The following NLGN1 variants were observed in gnomAD, a reference collection of about 807,000 sequenced individuals.
The protein encoded by NLGN1 is neuroligin 1.
NLGN1 carries 12 observed loss-of-function variants against 65.5 expected under a neutral mutation model. That is an observed-to-expected ratio of 0.18 (90% CI 0.12 to 0.30). The LOEUF is 0.30. NLGN1 is among the 10% of genes least tolerant of loss of function. The pLI, the probability that NLGN1 is intolerant of heterozygous loss-of-function variation, is 1.00. For synonymous variants in NLGN1, 350 were observed against 359.5 expected, an observed-to-expected ratio of 0.97 and a Z score of 0.30; for missense variants, 750 against 1,007.1, an observed-to-expected ratio of 0.74 and a Z score of 3.46.
intron 3 of NLGN1, among the ~76,000 whole-genome samples, chr3:173,653,812 C>A (rs891723100): frequency 1.3e-5 from 2 of 152,080 alleles, no homozygotes; most frequent in Non-Finnish European, 2.9e-5. Context: ...CTTTCTAGGT[C>A]TAGGAACCTC....
At chr3:174,108,447 T>C (rs1471477290) in intron 4 of NLGN1, among the ~76,000 whole-genome samples, 2 of 151,984 alleles carry the variant, frequency 1.3e-5, no homozygotes, top group African/African-American at 4.8e-5. Context: ...CTGGACTATA[T>C]GAGGCATAAA....
chr3:174,284,032 T>A (rs1049473195), exon 7 of NLGN1: 4 of 151,492 alleles, frequency 2.6e-5, no homozygotes, highest in Non-Finnish European at 5.9e-5. Context: ...TACCTACCAA[T>A]CTATTGCTCT....
chr3:173,885,902 A>C (rs1327487542), intron 4 of NLGN1, among the ~76,000 whole-genome samples: 1 of 152,170 alleles, frequency 6.6e-6, no homozygotes, highest in Non-Finnish European at 1.5e-5. Context: ...ACATGAAGTG[A>C]TCATTATGAA....
At chr3:173,585,871 C>T (rs868016282) in intron 2 of NLGN1, among the ~76,000 whole-genome samples, 1 of 152,048 alleles carries the variant, frequency 6.6e-6, no homozygotes, top group Admixed American at 6.6e-5. Context: ...TTTTGTAGCT[C>T]CCAAGAAAAA....
At chr3:173,986,504 G>A (rs1345066476) in intron 4 of NLGN1, among the ~76,000 whole-genome samples, 1 of 151,742 alleles carries the variant, frequency 6.6e-6, no homozygotes, top group African/African-American at 2.4e-5. Flanking sequence ...TAAAAAGGAT[G>A]GGGGGAAATT....
At chr3:174,091,190 G>A (rs555911098) in intron 4 of NLGN1, among the ~76,000 whole-genome samples, 37 of 152,292 alleles carry the variant, frequency 2.4e-4, no homozygotes, top group African/African-American at 4.6e-4. Context: ...TCAGTCTGAC[G>A]AATGATTCAA....
At chr3:173,955,731 T>G (rs781656086) in intron 4 of NLGN1, among the ~76,000 whole-genome samples, 13 of 152,196 alleles carry the variant, frequency 8.5e-5, no homozygotes, top group Non-Finnish European at 1.8e-4. Context: ...CTAATATTAC[T>G]AACATATGAA....
At chr3:174,226,760 A>T (rs980231052) in intron 4 of NLGN1, among the ~76,000 whole-genome samples, 4 of 152,124 alleles carry the variant, frequency 2.6e-5, no homozygotes, top group African/African-American at 7.2e-5. Flanking sequence ...AATTTTTTTT[A>T]AAAATGACTT....
chr3:173,817,611 T>C (rs1416537377), intron 4 of NLGN1, among the ~76,000 whole-genome samples: 2 of 152,172 alleles, frequency 1.3e-5, no homozygotes, highest in African/African-American at 2.4e-5. Flanking sequence ...CAAACCAGCA[T>C]TGTGAAGAGT....
intron 4 of NLGN1, among the ~76,000 whole-genome samples, chr3:174,275,078 T>C (rs541003865): frequency 7.4e-4 from 113 of 152,014 alleles, no homozygotes; most frequent in Admixed American, 2.7e-3. Context: ...GTCCCTGTTA[T>C]CTGTTACCTG....
intron 4 of NLGN1, among the ~76,000 whole-genome samples, chr3:173,902,138 G>A (rs756410337): frequency 1.3e-5 from 2 of 151,968 alleles, no homozygotes; most frequent in Non-Finnish European, 2.9e-5. Flanking sequence ...TTAGTTTCCC[G>A]CACTCTGCCA....
intron 4 of NLGN1, among the ~76,000 whole-genome samples, chr3:174,060,669 C>T (rs535323375): frequency 6.6e-6 from 1 of 152,016 alleles, no homozygotes; most frequent in Non-Finnish European, 1.5e-5. Flanking sequence ...TGTGAAGAGC[C>T]ATGCTGTAAT....
intron 3 of NLGN1, among the ~76,000 whole-genome samples, chr3:173,786,121 T>G (rs1356098866): frequency 2.6e-5 from 4 of 152,140 alleles, no homozygotes; most frequent in Non-Finnish European, 4.4e-5. Context: ...TTTAATAAGC[T>G]CCCTAGGTAT....
intron 3 of NLGN1, among the ~76,000 whole-genome samples, chr3:173,606,089 AATT>A (rs1407227410): frequency 6.6e-6 from 1 of 152,010 alleles, no homozygotes; most frequent in African/African-American, 2.4e-5. Flanking sequence ...ATTATTGAGC[AATT>A]ATTATTATTA....
chr3:173,760,171 A>G (rs1374562734), intron 3 of NLGN1, among the ~76,000 whole-genome samples: 4 of 151,998 alleles, frequency 2.6e-5, no homozygotes, highest in Admixed American at 1.3e-4. Context: ...CTGGGGTCCC[A>G]TAGAACTTTA....
intron 4 of NLGN1, among the ~76,000 whole-genome samples, chr3:173,979,390 G>T (rs1718268515): frequency 6.6e-6 from 1 of 152,124 alleles, no homozygotes; most frequent in Non-Finnish European, 1.5e-5. Context: ...ATTAATAAGT[G>T]GGAAAGAATG....
chr3:173,507,054 GA>G (rs1478066396), intron 2 of NLGN1, among the ~76,000 whole-genome samples: 5 of 152,130 alleles, frequency 3.3e-5, no homozygotes, highest in Admixed American at 3.3e-4. Flanking sequence ...ACTTCAGGCT[GA>G]AACAGATTTT....
At chr3:173,509,047 C>A (rs1176517948) in intron 2 of NLGN1, among the ~76,000 whole-genome samples, 2 of 152,130 alleles carry the variant, frequency 1.3e-5, no homozygotes, top group African/African-American at 4.8e-5. Context: ...AGAAAGATGG[C>A]ACCTCTAGAA....
intron 2 of NLGN1, among the ~76,000 whole-genome samples, chr3:173,478,783 G>A (rs184853009): frequency 6.6e-6 from 1 of 151,872 alleles, no homozygotes; most frequent in Non-Finnish European, 1.5e-5. Context: ...CTACTCCAGG[G>A]GCTGAGGCAT....
Sources: allele counts gnomAD v4.1 joint callset (sites outside exome capture counted in the v4.1 genomes callset), GRCh38; gene constraint gnomAD v4.1.1; transcripts MANE v1.5; gene names NCBI Gene and HGNC (gene_info 2026-07-23, HGNC 2026-07-21).